The following ERGIC1 variants were observed in gnomAD, a reference collection of about 807,000 sequenced individuals.
ERGIC1 encodes endoplasmic reticulum-Golgi intermediate compartment protein 1.
A neutral mutation model predicts 38.3 loss-of-function variants in ERGIC1; 19 were observed. That is an observed-to-expected ratio of 0.50 (90% CI 0.35 to 0.73). ERGIC1 has a LOEUF of 0.73. Ranked by LOEUF, ERGIC1 falls within the 30% of genes least tolerant of loss-of-function variation. The pLI, the probability that ERGIC1 is intolerant of heterozygous loss-of-function variation, is 0.01. For synonymous variants in ERGIC1, 124 were observed against 157.6 expected, an observed-to-expected ratio of 0.79 and a Z score of 1.60; for missense variants, 294 against 389.2, an observed-to-expected ratio of 0.76 and a Z score of 2.06.
chr5:172,890,913 G>A (rs1762545124), intron 2 of ERGIC1, among the ~76,000 whole-genome samples: 1 of 152,244 alleles, frequency 6.6e-6, no homozygotes, highest in Non-Finnish European at 1.5e-5. Flanking sequence ...GAAGCTGCAA[G>A]ATGCCTTTGA....
At chr5:172,864,212 A>G (rs1009447787) in intron 1 of ERGIC1, among the ~76,000 whole-genome samples, 5 of 151,306 alleles carry the variant, frequency 3.3e-5, no homozygotes, top group Non-Finnish European at 7.4e-5. Flanking sequence ...ACAAACAAAC[A>G]AACACCTCAA....
At chr5:172,924,920 A>AC (rs1763616092) in intron 6 of ERGIC1, among the ~76,000 whole-genome samples, 1 of 152,088 alleles carries the variant, frequency 6.6e-6, no homozygotes, top group South Asian at 2.1e-4. Context: ...CTTCCAGTCT[A>AC]GGGGGGAAGA....
intron 1 of ERGIC1, among the ~76,000 whole-genome samples, chr5:172,853,755 G>C (rs780840241): frequency 1.2e-4 from 19 of 152,236 alleles, no homozygotes; most frequent in Non-Finnish European, 4.4e-5. Context: ...TGGCCCTGCT[G>C]TTTGCTCAGT....
At chr5:172,854,094 C>T (rs756314101) in intron 1 of ERGIC1, among the ~76,000 whole-genome samples, 19 of 152,038 alleles carry the variant, frequency 1.2e-4, no homozygotes, top group Non-Finnish European at 2.5e-4. Flanking sequence ...GATTAAACTA[C>T]AGCAGGCAGG....
chr5:172,881,153 G>A (rs781305278), intron 1 of ERGIC1, among the ~76,000 whole-genome samples: 1 of 152,068 alleles, frequency 6.6e-6, no homozygotes, highest in Admixed American at 6.6e-5. Flanking sequence ...AGGCTGAGGC[G>A]GGAGAATGGC....
chr5:172,906,519 AGCCC>A (rs1763028256), intron 3 of ERGIC1, among the ~76,000 whole-genome samples: 3 of 152,104 alleles, frequency 2.0e-5, no homozygotes, highest in Non-Finnish European at 4.4e-5. Flanking sequence ...CCCACAGAGA[AGCCC>A]CAGGTGTCTT....
chr5:172,928,418 G>A (rs147731498), intron 7 of ERGIC1, among the ~76,000 whole-genome samples: 31 of 152,290 alleles, frequency 2.0e-4, no homozygotes, highest in African/African-American at 5.1e-4. Context: ...TTGCTATGGG[G>A]GTTGTTTCTT....
intron 1 of ERGIC1, among the ~76,000 whole-genome samples, chr5:172,871,315 G>A (rs1561710853): frequency 1.3e-5 from 2 of 152,104 alleles, no homozygotes; most frequent in South Asian, 2.1e-4. Flanking sequence ...TGCCAGATAC[G>A]CTCCCTGCCT....
intron 1 of ERGIC1, among the ~76,000 whole-genome samples, chr5:172,852,378 C>T (rs1761432232): frequency 6.6e-6 from 1 of 152,134 alleles, no homozygotes; most frequent in Admixed American, 6.5e-5. Context: ...CTGGCTCTAA[C>T]TCAGACACTT....
chr5:172,849,412 A>G (rs1156523266), intron 1 of ERGIC1, among the ~76,000 whole-genome samples: 1 of 152,172 alleles, frequency 6.6e-6, no homozygotes, highest in Non-Finnish European at 1.5e-5. Flanking sequence ...GGAGACCCTG[A>G]ATAAGGGTTC....
chr5:172,876,407 T>C (rs1385168210), intron 1 of ERGIC1, among the ~76,000 whole-genome samples: 1 of 152,224 alleles, frequency 6.6e-6, no homozygotes, highest in African/African-American at 2.4e-5. Context: ...TCAGAGTAAG[T>C]GCATTCTCTT....
intron 6 of ERGIC1, among the ~76,000 whole-genome samples, chr5:172,925,216 A>T (rs6889973): frequency 0.4 from 60,594 of 151,728 alleles, 12,582 homozygotes; most frequent in African/African-American, 0.48. Flanking sequence ...CCAGCCTGGG[A>T]GAAAGAGTAA....
At chr5:172,945,234 A>G (rs949605751) in intron 9 of ERGIC1, among the ~76,000 whole-genome samples, 12 of 152,194 alleles carry the variant, frequency 7.9e-5, no homozygotes, top group African/African-American at 2.9e-4. Flanking sequence ...GATGTTCTTC[A>G]TCACAAACAC....
chr5:172,909,600 C>G, intron 3 of ERGIC1, 67 bp from the exon 4 acceptor site: 1 of 1,438,012 alleles, frequency 7.0e-7, no homozygotes, highest in Non-Finnish European at 9.8e-7. Context: ...TGATCCCCGG[C>G]TGTCCCCCGC....
At chr5:172,897,770 C>T (rs11955589) in intron 3 of ERGIC1, 63 of 413,428 alleles carry the variant, frequency 1.5e-4, no homozygotes, top group Non-Finnish European at 2.1e-4. Flanking sequence ...AGCTTCCTAC[C>T]GGAGGGGGCG....
intron 1 of ERGIC1, among the ~76,000 whole-genome samples, chr5:172,869,052 G>A (rs1368903933): frequency 1.3e-5 from 2 of 152,222 alleles, no homozygotes; most frequent in African/African-American, 2.4e-5. Context: ...GCTGTCAGGT[G>A]CAGTTTGAAA....
chr5:172,879,874 G>A (rs932831915), intron 1 of ERGIC1, among the ~76,000 whole-genome samples: 8 of 152,102 alleles, frequency 5.3e-5, no homozygotes, highest in African/African-American at 1.9e-4. Context: ...ATGTTTAGCA[G>A]TACCCCTGGC....
rs1760973137 is a variant in ERGIC1, at chr5:172,834,300, G to GGGGGGCGGCCGGC, written c.-105_-93dup. On this transcript the variant is annotated 5_prime_UTR_variant, in exon 1 of 10. Transcript: ENST00000393784. This position sits in a 1 kb window ranked among gnomAD's most constrained non-coding sequence, Gnocchi z 4.1. ...GGCGAGTGGCGAGTGGCGAGTGTCA[G>GGGGGGCGGCCGGC]GGGGGCGGCCGGCGGGGGCGGGGCG... 1 of 1,017,266 alleles carries GGGGGGCGGCCGGC rather than the reference G, an allele frequency of 9.8e-7. No homozygotes were observed. The highest frequency in any genetic ancestry group is 1.2e-6 in the Non-Finnish European group (1 of 822,040). The allele number at this position is 1,017,266 out of a possible 1,614,324, so 63.0% of individuals were successfully genotyped here. A position where few individuals can be genotyped will look rare whatever the true frequency, so the allele number is the denominator to read the frequency against.
chr5:172,923,953 C>A, intron 5 of ERGIC1, 52 bp from the exon 6 acceptor site: 2 of 1,540,172 alleles, frequency 1.3e-6, no homozygotes, highest in South Asian at 1.1e-5. Context: ...CCCCAATGTT[C>A]CGCCCCCTGG....
Sources: gnomAD v4.1 joint callset for allele counts (sites outside exome capture counted in the v4.1 genomes callset) on GRCh38, gnomAD v4.1.1 for gene constraint, Gnocchi (gnomAD v3.1) non-coding constraint, MANE v1.5 for transcripts, NCBI Gene and HGNC (gene_info 2026-07-23, HGNC 2026-07-21) for gene names.